The following DNAJC6 variants were observed in gnomAD, a reference collection of about 807,000 sequenced individuals.
The protein encoded by DNAJC6 is auxilin.
Under a neutral mutation model 110.0 loss-of-function variants are expected in DNAJC6, and 34 were observed. That is an observed-to-expected ratio of 0.31 (90% CI 0.24 to 0.41). The LOEUF (loss-of-function observed/expected upper bound fraction) is 0.41, where lower values mean the gene tolerates loss of function less well. Among genes scored for constraint, DNAJC6 ranks in the 10% least tolerant of loss-of-function variants. The pLI, the probability that DNAJC6 is intolerant of heterozygous loss-of-function variation, is 1.00. For missense variants in DNAJC6, 1,031 were observed against 1,207.8 expected (o/e 0.85, Z 2.17); for synonymous variants, 406 against 437.2 (o/e 0.93, Z 0.89).
chr1:65,397,133 T>C (rs923450252), intron 13 of DNAJC6, among the ~76,000 whole-genome samples: 7 of 152,204 alleles, frequency 4.6e-5, no homozygotes, highest in African/African-American at 1.7e-4. Context: ...TTTTGGTCTG[T>C]ATTGTACTAG....
At chr1:65,277,168 T>TAA (rs1363639170) in intron 1 of DNAJC6, among the ~76,000 whole-genome samples, 3 of 152,140 alleles carry the variant, frequency 2.0e-5, no homozygotes, top group Non-Finnish European at 4.4e-5. Context: ...TGGATTATGT[T>TAA]AAAAAATAAA....
chr1:65,304,216 C>G (rs928013745), intron 1 of DNAJC6, among the ~76,000 whole-genome samples: 1 of 151,932 alleles, frequency 6.6e-6, no homozygotes, highest in African/African-American at 2.4e-5. Flanking sequence ...AAAGCCCTAC[C>G]TGGGAAATTT....
At chr1:65,283,385 A>G (rs541650493) in intron 1 of DNAJC6, among the ~76,000 whole-genome samples, 112 of 152,290 alleles carry the variant, frequency 7.4e-4, no homozygotes, top group African/African-American at 2.6e-3. Context: ...TTTTCCAGAA[A>G]TGAAACCATG....
At chr1:65,365,864 C>T in intron 2 of DNAJC6, 21 bp from the exon 3 acceptor site, 2 of 1,610,194 alleles carry the variant, frequency 1.2e-6, no homozygotes, top group African/African-American at 1.3e-5. Flanking sequence ...TAATGAGTGC[C>T]CATTTTTGTC....
In DNAJC6 at chr1:65,398,636, G is replaced by A. The variant is rs145797635; in HGVS notation, c.2039-177G>A. 2.6e-4 allele frequency among the ~76,000 whole-genome samples: 39 copies of A among 152,322 alleles called. No homozygotes were observed. The East Asian group carries it at 5.8e-3, about 23-fold the overall frequency. On this transcript the variant is annotated intron_variant, in intron 13 of 18. Transcript: ENST00000371069. The stretch of plus-strand genomic sequence containing the variant: ...CTCATGTGAACAACCAGAGGTGAAG[G>A]CAGAACATATTGAATGTTGCAGAGT...
At chr1:65,382,157 A>T (rs1362910275) in intron 5 of DNAJC6, among the ~76,000 whole-genome samples, 1 of 152,246 alleles carries the variant, frequency 6.6e-6, no homozygotes, top group African/African-American at 2.4e-5. Flanking sequence ...TTAAACTCTT[A>T]GCAAAAAAGG....
rs142342080 is a variant in DNAJC6 at position 65,398,892 on chromosome 1, G to A, written c.2107+11G>A. ...GGCATGCTAAACCAGGTAAAAGCAG[G>A]TTATTTTCTGTACACATTTATATAA... On this transcript the variant is annotated intron_variant, in intron 14 of 18. Coordinates refer to ENST00000371069, the MANE Select transcript of DNAJC6 (RefSeq NM_001256864.2). 6.2e-7 allele frequency: 1 copy of A among 1,613,656 alleles called. No homozygotes were observed. The highest frequency in any genetic ancestry group is 2.2e-5 in the East Asian group (1 of 44,880).
chr1:65,408,533 C>A, intron 16 of DNAJC6, 108 bp from the exon 17 acceptor site: 1 of 1,248,810 alleles, frequency 8.0e-7, no homozygotes, highest in Non-Finnish European at 1.1e-6. Context: ...GGGTTAAGGA[C>A]TGAATGCATA....
At chr1:65,396,115 A>G (rs11208645) in intron 13 of DNAJC6, among the ~76,000 whole-genome samples, 67,238 of 152,072 alleles carry the variant, frequency 0.44, 15,645 homozygotes, top group Middle Eastern at 0.58. Context: ...TTCCAGGAAC[A>G]ACTTTTGTGG....
At chr1:65,412,188 T>C (rs1646135590) in intron 18 of DNAJC6, among the ~76,000 whole-genome samples, 1 of 152,204 alleles carries the variant, frequency 6.6e-6, no homozygotes, top group African/African-American at 2.4e-5. Context: ...TATTACTACA[T>C]TGATTATGTC....
At chr1:65,351,099 T>C (rs1177267175) in intron 1 of DNAJC6, among the ~76,000 whole-genome samples, 1 of 152,172 alleles carries the variant, frequency 6.6e-6, no homozygotes, top group African/African-American at 2.4e-5. Context: ...GTAGTTTTTG[T>C]ATTTTGATCC....
At position 65,414,958 on chromosome 1, in the gene DNAJC6, GT is replaced by G. The variant is rs1169986418; in HGVS notation, c.*1935del. The G allele has an allele frequency of 6.6e-6, 1 of 152,510 alleles. No homozygotes were observed. Among genetic ancestry groups the G allele is most frequent in the Non-Finnish European group, 1.5e-5 (1 of 68,030 alleles). The allele number at this position is 152,510 out of a possible 1,614,324, so 9.4% of individuals were successfully genotyped here. A position where few individuals can be genotyped will look rare whatever the true frequency, so the allele number is the denominator to read the frequency against. On this transcript the variant is annotated 3_prime_UTR_variant, in exon 19 of 19. Coordinates refer to ENST00000371069, the MANE Select transcript of DNAJC6 (RefSeq NM_001256864.2). ...TATCATGTTTGGATAATTCATCAAT[GT>G]TCACAGTTTAAAACATCATTAAACA...
chr1:65,393,798 A>G (rs1435951533), intron 12 of DNAJC6, among the ~76,000 whole-genome samples: 1 of 152,178 alleles, frequency 6.6e-6, no homozygotes, highest in East Asian at 1.9e-4. Flanking sequence ...TCAGGCCTAT[A>G]GTATCCTATA....
At chr1:65,272,135 G>A (rs1038296700) in intron 1 of DNAJC6, among the ~76,000 whole-genome samples, 3 of 152,016 alleles carry the variant, frequency 2.0e-5, no homozygotes, top group African/African-American at 7.2e-5. Flanking sequence ...TCTTGTTACT[G>A]ATCTTAGGGG....
At chr1:65,330,511 C>G (rs930947310) in intron 1 of DNAJC6, among the ~76,000 whole-genome samples, 95 of 152,138 alleles carry the variant, frequency 6.2e-4, no homozygotes, top group African/African-American at 2.3e-3. Flanking sequence ...CTCTGTTGCC[C>G]AGGCTGGAGT....
At chr1:65,397,633 A>T (rs1645992051) in intron 13 of DNAJC6, among the ~76,000 whole-genome samples, 2 of 152,290 alleles carry the variant, frequency 1.3e-5, no homozygotes, top group South Asian at 4.1e-4. Flanking sequence ...TGAAGTTCTG[A>T]TACCTACTTC....
chr1:65,363,627 A>G (rs189613516), intron 1 of DNAJC6, among the ~76,000 whole-genome samples: 2 of 152,032 alleles, frequency 1.3e-5, no homozygotes, highest in African/African-American at 2.4e-5. Flanking sequence ...GACATTTTTT[A>G]TTGTCACAAC....
intron 1 of DNAJC6, among the ~76,000 whole-genome samples, chr1:65,302,107 A>AATATATAT (rs71056094): frequency 1.9e-5 from 1 of 53,808 alleles, no homozygotes; most frequent in Non-Finnish European, 2.8e-5. Context: ...TATAATATAT[A>AATATATAT]ATATATATAT....
intron 5 of DNAJC6, chr1:65,379,759 C>A: frequency 2.3e-6 from 1 of 425,854 alleles, no homozygotes; most frequent in Non-Finnish European, 4.1e-6. Context: ...TGTGGGGACT[C>A]TAGAATGTGC....
Sources: allele counts gnomAD v4.1 joint callset (sites outside exome capture counted in the v4.1 genomes callset), GRCh38; gene constraint gnomAD v4.1.1; transcripts MANE v1.5; gene names NCBI Gene and HGNC (gene_info 2026-07-23, HGNC 2026-07-21).